Variants in VWC2 observed in about 807,000 individuals in gnomAD.
VWC2 encodes von Willebrand factor C domain containing 2.
In VWC2, 14 loss-of-function variants were observed where a neutral mutation model predicts 29.8. The ratio of observed to expected loss-of-function variants is 0.47; its 90% CI spans 0.31 to 0.74. The LOEUF is 0.74. Ranked by LOEUF, VWC2 falls within the 30% of genes least tolerant of loss-of-function variation. The probability of loss-of-function intolerance (pLI) is 0.05; values close to 1 mark genes in which losing one functional copy is unlikely to be tolerated. For synonymous variants in VWC2, 213 were observed against 199.0 expected (o/e 1.07, Z -0.59); for missense variants, 457 against 459.8 (o/e 0.99, Z 0.05).
At chr7:49,833,506 G>A (rs1342651853) in intron 3 of VWC2, among the ~76,000 whole-genome samples, 1 of 152,196 alleles carries the variant, frequency 6.6e-6, no homozygotes, top group African/African-American at 2.4e-5. Flanking sequence ...TGAAGATGGG[G>A]TCTTACAGAT....
intron 3 of VWC2, among the ~76,000 whole-genome samples, chr7:49,909,108 A>G (rs1793261200): frequency 6.6e-6 from 1 of 152,150 alleles, no homozygotes; most frequent in African/African-American, 2.4e-5. Context: ...AAGGCACACA[A>G]TAATTAATTT....
At chr7:49,779,784 GT>G (rs1788134693) in intron 2 of VWC2, among the ~76,000 whole-genome samples, 2 of 152,160 alleles carry the variant, frequency 1.3e-5, no homozygotes, top group Non-Finnish European at 2.9e-5. Flanking sequence ...AGATCAAGGT[GT>G]CAGCAGGGCT....
Position 49,795,995 on chromosome 7 carries a change from A to T in VWC2, c.697-6716A>T, listed in dbSNP as rs373391983. Reference sequence around the variant, plus strand: ...GGAAGGGAGGGATTGGTAGAGGCAGATAGGGGGTAGGGGCCCCTATCTGGG... The same window carrying T: ...GGAAGGGAGGGATTGGTAGAGGCAGTTAGGGGGTAGGGGCCCCTATCTGGG... On this transcript the variant is annotated intron_variant, in intron 2 of 3. Transcript: ENST00000340652. Among the ~76,000 whole-genome samples, 29 of 152,234 alleles carry T rather than the reference A, an allele frequency of 1.9e-4. No individual in the cohort carries two copies. In the East Asian group the frequency reaches 5.6e-3, roughly 29 times the overall value.
intron 3 of VWC2, among the ~76,000 whole-genome samples, chr7:49,876,226 C>A (rs746086539): frequency 6.6e-5 from 10 of 152,060 alleles, no homozygotes; most frequent in Admixed American, 4.6e-4. Flanking sequence ...TAGTAAGATA[C>A]CGAAATGTTT....
At chr7:49,894,869 C>T (rs1792307274) in intron 3 of VWC2, among the ~76,000 whole-genome samples, 1 of 152,326 alleles carries the variant, frequency 6.6e-6, no homozygotes, top group African/African-American at 2.4e-5. Flanking sequence ...CTAGAGTGTG[C>T]TGGCAACTAG....
At chr7:49,904,565 A>G (rs1792976159) in intron 3 of VWC2, among the ~76,000 whole-genome samples, 1 of 152,198 alleles carries the variant, frequency 6.6e-6, no homozygotes, top group Admixed American at 6.5e-5. Context: ...AAAAAATTTC[A>G]GTAATTAAAA....
intron 3 of VWC2, among the ~76,000 whole-genome samples, chr7:49,839,296 T>A (rs1789739765): frequency 6.6e-6 from 1 of 152,238 alleles, no homozygotes; most frequent in African/African-American, 2.4e-5. Context: ...ATTTGGCCTG[T>A]GTGTCCCCTG....
intron 3 of VWC2, among the ~76,000 whole-genome samples, chr7:49,856,304 T>C (rs1456451984): frequency 6.6e-6 from 1 of 152,152 alleles, no homozygotes; most frequent in Non-Finnish European, 1.5e-5. Context: ...TTATCTCAAG[T>C]GAAATCTGGT....
chr7:49,912,268 T>A lies in VWC2; in HGVS notation c.*83T>A. 2.8e-6 allele frequency: 4 copies of A among 1,418,934 alleles called. No individual in the cohort carries two copies. The highest frequency in any genetic ancestry group is 3.8e-6 in the Non-Finnish European group (4 of 1,056,080). 87.9% of individuals were successfully genotyped at this position (1,418,934 alleles called of 1,614,324 possible). ...TCTAGATGACTCTGGGAACTATCAG[T>A]CAAAGAAGACTTTTGATGAGGAATA... On this transcript the variant is annotated 3_prime_UTR_variant, in exon 4 of 4. Transcript: ENST00000340652.
chr7:49,854,333 T>C (rs1457058686), intron 3 of VWC2, among the ~76,000 whole-genome samples: 1 of 152,214 alleles, frequency 6.6e-6, no homozygotes, highest in East Asian at 1.9e-4. Context: ...CCACCAACAA[T>C]GTAAACGTGT....
At chr7:49,789,810 G>A (rs1422880427) in intron 2 of VWC2, among the ~76,000 whole-genome samples, 2 of 152,220 alleles carry the variant, frequency 1.3e-5, no homozygotes, top group Non-Finnish European at 2.9e-5. Context: ...ATCTATAAAT[G>A]AGCCAATTAT....
intron 3 of VWC2, among the ~76,000 whole-genome samples, chr7:49,890,103 C>T (rs1792067556): frequency 6.6e-6 from 1 of 152,160 alleles, no homozygotes; most frequent in Admixed American, 6.5e-5. Flanking sequence ...TCACATTTAA[C>T]ACCCATACAT....
chr7:49,780,825 A>T (rs778349315), intron 2 of VWC2, among the ~76,000 whole-genome samples: 8 of 152,242 alleles, frequency 5.3e-5, no homozygotes, highest in Non-Finnish European at 1.0e-4. Context: ...GGGACCACTG[A>T]GTTAAACCAA....
intron 3 of VWC2, among the ~76,000 whole-genome samples, chr7:49,874,180 CCACA>C (rs139144140): frequency 1.3e-5 from 2 of 149,528 alleles, no homozygotes; most frequent in African/African-American, 4.9e-5. Context: ...ATGCACACAC[CCACA>C]CACACACACA....
Position 49,775,984 on chromosome 7 carries a change from G to A in VWC2, c.549G>A (p.Glu183=). Residue 183 remains glutamate, a synonymous_variant, in exon 2 of 4, where the codon GAG becomes GAA. Transcript: ENST00000340652. ...CCTGCCCGTGCCTGTGCACCGAGGA[G>A]GGGCCGCTGTGCGCGCAGCCCGAGT... ...PSACPCLCTE[E]GPLCAQPECP... The A allele has an allele frequency of 6.5e-7, 1 of 1,546,724 alleles. No individual in the cohort carries two copies. The highest frequency in any genetic ancestry group is 8.7e-7 in the Non-Finnish European group (1 of 1,149,584).
chr7:49,775,704 G>C lies in VWC2; in HGVS notation c.269G>C (p.Trp90Ser). ...CGTGGGCTCGCCGGCCGTGAGCCGTGGAGCAAGCTGAAGCAGGCCTGGGTC... is the reference window on the plus strand; with the variant it reads ...CGTGGGCTCGCCGGCCGTGAGCCGTCGAGCAAGCTGAAGCAGGCCTGGGTC... ...SGRGLAGREP[W>S]SKLKQAWVSQ... The change falls in exon 2 of 4, where the codon TGG becomes TCG. Residue 90 changes from tryptophan to serine, a missense_variant. Physicochemically the swap from Trp to Ser is radical, Grantham distance 177 (BLOSUM62 -3). Around this residue, in one of 2 missense-constraint regions of VWC2, gnomAD observed 272 missense variants for 202.7 expected, o/e 1.34. Transcript: ENST00000340652. 2 of 1,523,780 alleles carry C rather than the reference G, an allele frequency of 1.3e-6. No individual in the cohort carries two copies. Among genetic ancestry groups the C allele is most frequent in the Non-Finnish European group, 1.8e-6 (2 of 1,138,422 alleles). The allele number at this position is 1,523,780 out of a possible 1,614,324, so 94.4% of individuals were successfully genotyped here.
intron 3 of VWC2, among the ~76,000 whole-genome samples, chr7:49,855,474 T>G (rs1790376103): frequency 6.6e-6 from 1 of 152,082 alleles, no homozygotes. Flanking sequence ...GAGGAAGGTT[T>G]GGGTATTTCC....
At chr7:49,854,227 C>T (rs1303336137) in intron 3 of VWC2, among the ~76,000 whole-genome samples, 1 of 152,144 alleles carries the variant, frequency 6.6e-6, no homozygotes, top group African/African-American at 2.4e-5. Flanking sequence ...TGGATATATA[C>T]CCAGTAATGG....
At chr7:49,908,506 A>C (rs1793224947) in intron 3 of VWC2, among the ~76,000 whole-genome samples, 1 of 152,196 alleles carries the variant, frequency 6.6e-6, no homozygotes, top group African/African-American at 2.4e-5. Context: ...CAAATCTAAG[A>C]GGAAAATTTT....
Sources: allele counts gnomAD v4.1 joint callset (sites outside exome capture counted in the v4.1 genomes callset), GRCh38; gene constraint gnomAD v4.1.1; regional missense constraint gnomAD v4.1.1; transcripts MANE v1.5; gene names NCBI Gene and HGNC (gene_info 2026-07-23, HGNC 2026-07-21).